The following DOCK4 variants were observed in gnomAD, a reference collection of about 807,000 sequenced individuals.
DOCK4 encodes dedicator of cytokinesis protein 4.
Under a neutral mutation model 268.1 loss-of-function variants are expected in DOCK4, and 97 were observed. That is an observed-to-expected ratio of 0.36 (90% CI 0.31 to 0.43). The LOEUF (loss-of-function observed/expected upper bound fraction) is 0.43, where lower values mean the gene tolerates loss of function less well. DOCK4 is among the 20% of genes least tolerant of loss of function. The pLI, the probability that DOCK4 is intolerant of heterozygous loss-of-function variation, is 1.00. For missense variants in DOCK4, 2,145 were observed against 2,455.7 expected (o/e 0.87, Z 2.67); for synonymous variants, 954 against 887.2 (o/e 1.08, Z -1.34).
chr7:112,070,420 T>TA (rs1021449567), intron 1 of DOCK4, among the ~76,000 whole-genome samples: 119 of 150,364 alleles, frequency 7.9e-4, no homozygotes, highest in African/African-American at 2.3e-3. Flanking sequence ...TTTTTGCCAT[T>TA]AAAAAAAAAT....
In DOCK4 at chr7:111,809,415, A is replaced by T; in HGVS notation, c.3007-14T>A. 6.5e-7 allele frequency: 1 copy of T among 1,533,938 alleles called. No individual in the cohort carries two copies. Among genetic ancestry groups the T allele is most frequent in the Non-Finnish European group, 8.8e-7 (1 of 1,130,060 alleles). ...GGAATCCCAGATCTAAAACAAGAAC[A>T]AGATATATCAATACTATGGTGTTAC... is the stretch of plus-strand genomic sequence containing the variant. On this transcript the variant is annotated splice_polypyrimidine_tract_variant and intron_variant, in intron 28 of 52. Coordinates refer to ENST00000428084, the MANE Select transcript of DOCK4 (RefSeq NM_001363540.2).
intron 11 of DOCK4, 107 bp from the exon 12 acceptor site, chr7:111,935,735 T>G (rs1296945376): frequency 2.2e-6 from 2 of 920,284 alleles, no homozygotes; most frequent in African/African-American, 3.3e-5. Flanking sequence ...ATGTACCTCC[T>G]TGAGGTCCCC....
chr7:111,905,512 TTAACAGC>T (rs1027621030), intron 13 of DOCK4, among the ~76,000 whole-genome samples: 3 of 152,180 alleles, frequency 2.0e-5, no homozygotes, highest in African/African-American at 7.2e-5. Context: ...AATGGATCCA[TTAACAGC>T]TTGACCTAGA....
chr7:111,898,803 T>C (rs1317030023), intron 15 of DOCK4, among the ~76,000 whole-genome samples: 5 of 152,196 alleles, frequency 3.3e-5, no homozygotes, highest in African/African-American at 1.2e-4. Context: ...AGAAAAAACC[T>C]ATGAGGAATT....
intron 1 of DOCK4, among the ~76,000 whole-genome samples, chr7:112,108,246 TA>T (rs921871256): frequency 7.9e-5 from 12 of 151,352 alleles, no homozygotes; most frequent in South Asian, 4.2e-4. Context: ...CACTCTCTAA[TA>T]AAAAAAAATA....
At chr7:112,188,458 T>C (rs1405356587) in intron 1 of DOCK4, among the ~76,000 whole-genome samples, 1 of 152,232 alleles carries the variant, frequency 6.6e-6, no homozygotes, top group Admixed American at 6.5e-5. Context: ...CCTGGCCTCT[T>C]TCATAAGATA....
rs553269024 is a variant in DOCK4, at chr7:111,953,490, T to C, written c.702-7692A>G. Among the ~76,000 whole-genome samples, 6 of 152,308 alleles carry C rather than the reference T, an allele frequency of 3.9e-5. No homozygotes were observed. In the South Asian group the frequency reaches 6.2e-4, roughly 16 times the overall value. On this transcript the variant is annotated intron_variant, in intron 8 of 52. Transcript: ENST00000428084. ...CAAATGTTTTCTGATTGCCTAACAGTGTAAGATATGTCCAATAATCTGCTG... is the reference window on the plus strand; with the variant it reads ...CAAATGTTTTCTGATTGCCTAACAGCGTAAGATATGTCCAATAATCTGCTG...
intron 1 of DOCK4, among the ~76,000 whole-genome samples, chr7:112,166,999 T>C (rs943564639): frequency 1.3e-5 from 2 of 152,090 alleles, no homozygotes; most frequent in African/African-American, 2.4e-5. Flanking sequence ...TGGGGCTGTA[T>C]AGTGAAGGAA....
intron 1 of DOCK4, among the ~76,000 whole-genome samples, chr7:112,108,041 A>G (rs1811286998): frequency 6.6e-6 from 1 of 152,248 alleles, no homozygotes. Context: ...ATAGAGAGCA[A>G]TAGAGCTACT....
At chr7:111,866,876 G>A (rs532844497) in intron 22 of DOCK4, among the ~76,000 whole-genome samples, 7 of 152,212 alleles carry the variant, frequency 4.6e-5, no homozygotes, top group Admixed American at 1.3e-4. Flanking sequence ...ACTCTGATCT[G>A]AAGGAATGCA....
At chr7:111,841,331 AT>A (rs1275900325) in intron 25 of DOCK4, among the ~76,000 whole-genome samples, 1 of 151,790 alleles carries the variant, frequency 6.6e-6, no homozygotes, top group Non-Finnish European at 1.5e-5. Context: ...GGCCTGGCTA[AT>A]TTTTTTGTAT....
intron 1 of DOCK4, among the ~76,000 whole-genome samples, chr7:112,144,248 C>CT (rs1297735184): frequency 1.3e-5 from 2 of 152,088 alleles, no homozygotes; most frequent in Non-Finnish European, 2.9e-5. Flanking sequence ...ATTTTATTTT[C>CT]TTTTTTTGGC....
intron 22 of DOCK4, 80 bp from the exon 23 acceptor site, chr7:111,863,644 AC>A: frequency 1.4e-6 from 2 of 1,389,764 alleles, no homozygotes; most frequent in Non-Finnish European, 1.9e-6. Context: ...GAGTTTAAGG[AC>A]CGTGGCAAGT....
chr7:111,947,448 C>T (rs1362799376), intron 8 of DOCK4, among the ~76,000 whole-genome samples: 2 of 151,710 alleles, frequency 1.3e-5, no homozygotes, highest in African/African-American at 4.9e-5. Flanking sequence ...TCTATGGGGT[C>T]ATTTTCACTC....
At position 111,877,097 on chromosome 7, in the gene DOCK4, G is replaced by A; in HGVS notation, c.1677C>T (p.Ala559=). ...AAAAGGACTCCTTTGTGGCCTTCAT[G>A]GCTTGATTATTATTCCCAAGGAAAA... ...KGIFLGNNNQ[A]MKATKESFCI... is the part of the protein sequence containing the mutation. The change falls in exon 17 of 53, where the codon GCC becomes GCT. Residue 559 remains alanine (A), a synonymous_variant. Coordinates refer to ENST00000428084, the MANE Select transcript of DOCK4 (RefSeq NM_001363540.2). The A allele has an allele frequency of 6.3e-7, 1 of 1,593,540 alleles. No individual in the cohort carries two copies. Among genetic ancestry groups the A allele is most frequent in the Non-Finnish European group, 8.5e-7 (1 of 1,170,912 alleles).
chr7:112,077,346 C>A (rs901072188), intron 1 of DOCK4, among the ~76,000 whole-genome samples: 5 of 152,044 alleles, frequency 3.3e-5, no homozygotes, highest in African/African-American at 1.2e-4. Flanking sequence ...ATAGTATTTA[C>A]ATTAACTACT....
chr7:112,089,833 C>G (rs140809407), intron 1 of DOCK4, among the ~76,000 whole-genome samples: 2 of 152,304 alleles, frequency 1.3e-5, no homozygotes, highest in East Asian at 3.9e-4. Context: ...ACTTCCTGTA[C>G]AGCCTGCAGA....
At chr7:111,742,234 T>G in intron 44 of DOCK4, 102 bp from the exon 45 acceptor site, 1 of 1,221,562 alleles carries the variant, frequency 8.2e-7, no homozygotes, top group Non-Finnish European at 1.1e-6. Context: ...CTTGCATTAT[T>G]GCTAATCCTC....
At position 111,844,859 on chromosome 7, in the gene DOCK4, G is replaced by T. The variant is rs1183199177; in HGVS notation, c.2640C>A (p.Ala880=). ...TCCTCAGCAGAATATCCAGCAAGCT[G>T]GCCACTATCACATCTATTTCCTCCA... is the stretch of plus-strand genomic sequence containing the variant. ...SVLEEIDVIV[A]SLLDILLRTI... Residue 880 remains alanine (A), a synonymous_variant, in exon 25 of 53, where the codon GCC becomes GCA. Transcript: ENST00000428084. The T allele has an allele frequency of 1.9e-6, 3 of 1,613,210 alleles. No individual in the cohort carries two copies. In the South Asian group the frequency reaches 3.3e-5, roughly 18 times the overall value.
Sources: gnomAD v4.1 joint callset for allele counts (sites outside exome capture counted in the v4.1 genomes callset) on GRCh38, gnomAD v4.1.1 for gene constraint, MANE v1.5 for transcripts, NCBI Gene and HGNC (gene_info 2026-07-23, HGNC 2026-07-21) for gene names.